Variants in PITPNB observed in about 807,000 individuals in gnomAD.
PITPNB encodes the protein phosphatidylinositol transfer protein beta isoform.
A neutral mutation model predicts 45.9 loss-of-function variants in PITPNB; 16 were observed. The observed-to-expected ratio is 0.35, with a 90% CI of 0.24 to 0.53. The LOEUF (loss-of-function observed/expected upper bound fraction) is 0.53, where lower values mean the gene tolerates loss of function less well. PITPNB is among the 20% of genes least tolerant of loss of function. The pLI is 0.93. For synonymous variants in PITPNB, 112 were observed against 108.9 expected (o/e 1.03, Z -0.18); for missense variants, 188 against 330.5 (o/e 0.57, Z 3.34).
At chr22:27,885,212 TAAAAAAAAAAAAAAAAAAA>T (rs71194746) in intron 7 of PITPNB, among the ~76,000 whole-genome samples, 1,280 of 30,224 alleles carry the variant, frequency 0.042, 20 homozygotes, top group South Asian at 0.12. Context: ...AATTTATACC[TAAAAAAAAAAAAAAAAAAA>T]AAAAAAAAAA....
At chr22:27,906,672 A>T (rs1341404236) in intron 3 of PITPNB, among the ~76,000 whole-genome samples, 1 of 152,204 alleles carries the variant, frequency 6.6e-6, no homozygotes, top group Non-Finnish European at 1.5e-5. Flanking sequence ...CACTTCCAAT[A>T]ACCCAGTGAC....
intron 3 of PITPNB, among the ~76,000 whole-genome samples, chr22:27,902,649 T>C (rs1383034808): frequency 6.6e-6 from 1 of 152,236 alleles, no homozygotes; most frequent in African/African-American, 2.4e-5. Flanking sequence ...AATGATTTCT[T>C]TGATGACACC....
At chr22:27,864,509 T>A (rs150806150) in intron 8 of PITPNB, among the ~76,000 whole-genome samples, 1 of 152,198 alleles carries the variant, frequency 6.6e-6, no homozygotes, top group African/African-American at 2.4e-5. Context: ...AGTAAAGAAA[T>A]GATACCACAG....
At chr22:27,872,096 T>TTG (rs1391486568) in intron 8 of PITPNB, among the ~76,000 whole-genome samples, 1 of 139,194 alleles carries the variant, frequency 7.2e-6, no homozygotes, top group Non-Finnish European at 1.6e-5. Context: ...TTTTTTTTTT[T>TTG]TTTTTTTTTT....
chr22:27,895,551 T>C lies in PITPNB; in HGVS notation c.373-913A>G, dbSNP rs116285137. On this transcript the variant is annotated intron_variant, in intron 6 of 11. Transcript: ENST00000335272. ...GTTGCACTGAGCAGACAGCACGTGA[T>C]TGCACCCCAGCCTGGGCAACAAAGT... 6.8e-3 allele frequency among the ~76,000 whole-genome samples: 1,032 copies of C among 151,684 alleles called. 7 individuals carry two copies. The highest frequency in any genetic ancestry group is 0.023 in the African/African-American group (937 of 41,388).
In PITPNB at chr22:27,858,441, G is replaced by A. The variant is rs967639074; in HGVS notation, c.714C>T (p.Leu238=). The A allele has an allele frequency of 6.2e-7, 1 of 1,609,212 alleles. No individual in the cohort carries two copies. Among genetic ancestry groups the A allele is most frequent in the Admixed American group, 1.7e-5 (1 of 59,774 alleles). Residue 238 remains leucine (L), a synonymous_variant, in exon 10 of 12, where the codon CTC becomes CTT. Transcript: ENST00000335272. ...LFCWIDKWID[L]TMEDIRRMED... is the part of the protein sequence containing the mutation. ...CCATTCTCCTAATGTCTTCCATCGT[G>A]AGATCGATCCACTTGTCAATCCAAC...
chr22:27,877,499 T>C (rs2146371819), intron 7 of PITPNB, among the ~76,000 whole-genome samples: 1 of 152,380 alleles, frequency 6.6e-6, no homozygotes, highest in South Asian at 2.1e-4. Flanking sequence ...CACTCATTAA[T>C]TTCTTATAAA....
At chr22:27,913,803 G>C (rs1346602977) in intron 2 of PITPNB, among the ~76,000 whole-genome samples, 1 of 152,178 alleles carries the variant, frequency 6.6e-6, no homozygotes, top group African/African-American at 2.4e-5. Flanking sequence ...GTGGGGGATG[G>C]GGTTGGCTGG....
At chr22:27,860,274 G>C (rs750173497) in intron 8 of PITPNB, 33 bp from the exon 9 acceptor site, 57 of 1,276,468 alleles carry the variant, frequency 4.5e-5, no homozygotes, top group Non-Finnish European at 6.2e-5. Flanking sequence ...GAGAAATTAT[G>C]ACTTAAATAT....
chr22:27,851,870 C>T lies in PITPNB; in HGVS notation c.*1832G>A, dbSNP rs1182889337. ...TGCGCCTAAGCTCCCAATGATACTACAGATGCCAGCGAGAGTTAAGTTCAT... is the reference window on the plus strand; with the variant it reads ...TGCGCCTAAGCTCCCAATGATACTATAGATGCCAGCGAGAGTTAAGTTCAT... On this transcript the variant is annotated 3_prime_UTR_variant, in exon 12 of 12. Coordinates refer to ENST00000335272, the MANE Select transcript of PITPNB (RefSeq NM_012399.5). 1 of 152,158 alleles carries T rather than the reference C, an allele frequency of 6.6e-6. No homozygotes were observed. Among genetic ancestry groups the T allele is most frequent in the African/African-American group, 2.4e-5 (1 of 41,444 alleles). 9.4% of individuals were successfully genotyped at this position (152,158 alleles called of 1,614,324 possible). A position where few individuals can be genotyped will look rare whatever the true frequency, so the allele number is the denominator to read the frequency against.
chr22:27,896,450 C>A, intron 6 of PITPNB, 102 bp downstream of exon 6: 1 of 804,638 alleles, frequency 1.2e-6, no homozygotes, highest in South Asian at 1.4e-5. Flanking sequence ...TTGGTGCGGT[C>A]AGATACACAG....
At chr22:27,895,378 T>A (rs896645720) in intron 6 of PITPNB, among the ~76,000 whole-genome samples, 2 of 151,976 alleles carry the variant, frequency 1.3e-5, no homozygotes, top group African/African-American at 4.8e-5. Flanking sequence ...TTACCTGAGG[T>A]CAGGAGTTCA....
chr22:27,862,361 T>G (rs771848086), intron 8 of PITPNB, among the ~76,000 whole-genome samples: 2 of 152,190 alleles, frequency 1.3e-5, no homozygotes, highest in Non-Finnish European at 2.9e-5. Flanking sequence ...TGAAAAATTA[T>G]TATCTTGGTA....
chr22:27,899,447 C>T (rs1176601259), intron 3 of PITPNB, among the ~76,000 whole-genome samples: 9 of 152,042 alleles, frequency 5.9e-5, no homozygotes, highest in East Asian at 1.9e-4. Context: ...CTCAGGCTCC[C>T]GAATAGCTGG....
intron 7 of PITPNB, among the ~76,000 whole-genome samples, chr22:27,883,988 G>T (rs1351872117): frequency 6.6e-6 from 1 of 151,944 alleles, no homozygotes; most frequent in African/African-American, 2.4e-5. Context: ...GGGGTATTAA[G>T]AAAAAAAATG....
rs186289888 is a variant in PITPNB at position 27,891,476 on chromosome 22, C to T, written c.456+3079G>A. 1.7e-4 allele frequency among the ~76,000 whole-genome samples: 26 copies of T among 152,264 alleles called. No individual in the cohort carries two copies. In the East Asian group the frequency reaches 3.7e-3, roughly 22 times the overall value. On this transcript the variant is annotated intron_variant, in intron 7 of 11. Coordinates refer to ENST00000335272, the MANE Select transcript of PITPNB (RefSeq NM_012399.5). Reference sequence around the variant, plus strand: ...ATTACAGCTAGCATTTACTGAACTACACACTGGCTGTATGATAAGATCTGG... The same window carrying T: ...ATTACAGCTAGCATTTACTGAACTATACACTGGCTGTATGATAAGATCTGG...
intron 8 of PITPNB, among the ~76,000 whole-genome samples, chr22:27,867,053 T>C (rs1011189392): frequency 6.6e-6 from 1 of 152,222 alleles, no homozygotes; most frequent in African/African-American, 2.4e-5. Context: ...AGACCTAAAT[T>C]GGACATTATA....
rs548578909 is a variant in PITPNB, at chr22:27,902,471, C to T, written c.198-4579G>A. Among the ~76,000 whole-genome samples the T allele has an allele frequency of 2.0e-5, 3 of 152,180 alleles. No individual in the cohort carries two copies. The East Asian group carries it at 5.8e-4, about 29-fold the overall frequency. On this transcript the variant is annotated intron_variant, in intron 3 of 11. Transcript: ENST00000335272. ...GCACAACCTGATTTCAGTTTTACGA[C>T]CATTCTGGCTTTGTGTGAAAAATTA...
In PITPNB at chr22:27,858,509, G is replaced by C; in HGVS notation, c.646C>G (p.Gln216Glu). 6.2e-7 allele frequency: 1 copy of C among 1,607,186 alleles called. No individual in the cohort carries two copies. The highest frequency in any genetic ancestry group is 8.5e-7 in the Non-Finnish European group (1 of 1,177,634). ...AAGTTTGTAAATATCCGTTTTTCTT[G>C]CTTTTAAAACAACAACAAAAAAGTA... Reference protein sequence around the residue: ...QSKVENFIQKQEKRIFTNFHR... With the variant: ...QSKVENFIQKEEKRIFTNFHR... The change falls in exon 10 of 12, where the codon CAA becomes GAA. Residue 216 changes from glutamine (Q) to glutamate (E), a missense_variant and splice_region_variant. Coordinates refer to ENST00000335272, the MANE Select transcript of PITPNB (RefSeq NM_012399.5).
Sources: allele counts gnomAD v4.1 joint callset (sites outside exome capture counted in the v4.1 genomes callset), GRCh38; gene constraint gnomAD v4.1.1; transcripts MANE v1.5; gene names NCBI Gene and HGNC (gene_info 2026-07-23, HGNC 2026-07-21).